MORN5: variants seen among roughly 807,000 people sequenced by gnomAD.
MORN5 encodes MORN repeat containing 5.
A neutral mutation model predicts 22.1 loss-of-function variants in MORN5; 21 were observed. The ratio of observed to expected loss-of-function variants is 0.95; its 90% CI spans 0.67 to 1.37. The LOEUF (loss-of-function observed/expected upper bound fraction) is 1.37. Ranked by LOEUF, MORN5 falls within the 40% of genes most tolerant of loss-of-function variation. The pLI, the probability that MORN5 is intolerant of heterozygous loss-of-function variation, is 0.00. For synonymous variants in MORN5, 73 were observed against 74.0 expected, an observed-to-expected ratio of 0.99 and a Z score of 0.07; for missense variants, 211 against 215.1, an observed-to-expected ratio of 0.98 and a Z score of 0.12.
chr9:122,194,615 G>A (rs1389982072), intron 4 of MORN5, among the ~76,000 whole-genome samples: 1 of 152,166 alleles, frequency 6.6e-6, no homozygotes, highest in East Asian at 1.9e-4. Flanking sequence ...GACTTCATCT[G>A]GGAGAGTATT....
At chr9:122,177,281 C>T (rs962539128) in intron 4 of MORN5, among the ~76,000 whole-genome samples, 1 of 152,214 alleles carries the variant, frequency 6.6e-6, no homozygotes, top group African/African-American at 2.4e-5. Flanking sequence ...CTGGCATGAA[C>T]AACAAAGACA....
At chr9:122,199,365 G>A (rs754435942) in intron 4 of MORN5, among the ~76,000 whole-genome samples, 3 of 152,170 alleles carry the variant, frequency 2.0e-5, no homozygotes, top group Admixed American at 6.5e-5. Flanking sequence ...CAGGCACAGC[G>A]GCGAGCTCCT....
chr9:122,175,834 G>A (rs2118758567), intron 4 of MORN5: 1 of 487,498 alleles, frequency 2.1e-6, no homozygotes, highest in South Asian at 8.9e-5. Flanking sequence ...GCAAGGAGAG[G>A]CCGGGCGCGG....
intron 1 of MORN5, among the ~76,000 whole-genome samples, chr9:122,165,507 T>C (rs775822049): frequency 6.6e-6 from 1 of 151,796 alleles, no homozygotes; most frequent in Non-Finnish European, 1.5e-5. Context: ...TTCAGGGGAT[T>C]GAGGCTGCAT....
At chr9:122,160,047 A>C (rs746243935) in intron 1 of MORN5, 28 bp downstream of exon 1, 1 of 1,593,140 alleles carries the variant, frequency 6.3e-7, no homozygotes, top group African/African-American at 1.3e-5. Flanking sequence ...TTCACTTACT[A>C]TACCTTGAAT....
chr9:122,192,405 G>A (rs59318637), intron 4 of MORN5, among the ~76,000 whole-genome samples: 16,272 of 152,194 alleles, frequency 0.11, 1,576 homozygotes, highest in African/African-American at 0.27. Context: ...AAGGTCTGTG[G>A]GCTAGTGACA....
intron 4 of MORN5, among the ~76,000 whole-genome samples, chr9:122,183,136 A>T (rs1215994407): frequency 1.3e-5 from 2 of 152,218 alleles, no homozygotes; most frequent in African/African-American, 4.8e-5. Flanking sequence ...CCTCACAATC[A>T]GATGCTACTT....
At chr9:122,178,627 G>T (rs985118019) in intron 4 of MORN5, among the ~76,000 whole-genome samples, 1 of 152,188 alleles carries the variant, frequency 6.6e-6, no homozygotes, top group African/African-American at 2.4e-5. Context: ...TGGTCACAAG[G>T]CTGTAGTTAA....
chr9:122,168,438 G>A (rs1268174784), intron 2 of MORN5, among the ~76,000 whole-genome samples: 7 of 152,198 alleles, frequency 4.6e-5, no homozygotes, highest in African/African-American at 1.7e-4. Flanking sequence ...GCTTTCATCA[G>A]TTTCACTAAG....
chr9:122,160,937 G>A (rs1829188264), intron 1 of MORN5, among the ~76,000 whole-genome samples: 1 of 152,088 alleles, frequency 6.6e-6, no homozygotes, highest in Non-Finnish European at 1.5e-5. Flanking sequence ...ATTGACTCTG[G>A]GCACAATCCC....
intron 4 of MORN5, among the ~76,000 whole-genome samples, chr9:122,191,100 G>A (rs142146338): frequency 6.5e-4 from 99 of 152,276 alleles, no homozygotes; most frequent in African/African-American, 2.3e-3. Flanking sequence ...CCTGGCATTC[G>A]GCATAAGCCC....
In MORN5 at chr9:122,160,024, G is replaced by A. The variant is rs1349566399; in HGVS notation, c.47+5G>A. On this transcript the variant is annotated splice_donor_5th_base_variant and intron_variant, in intron 1 of 4. Coordinates refer to ENST00000373764, the MANE Select transcript of MORN5 (RefSeq NM_198469.4). ...CGGGGAATATGTAGATGGGAGGTAA[G>A]GGGCTCATTTGATTCACTTACTATA... 6.2e-7 allele frequency: 1 copy of A among 1,612,512 alleles called. No individual in the cohort carries two copies. Among genetic ancestry groups the A allele is most frequent in the South Asian group, 1.1e-5 (1 of 90,916 alleles).
At chr9:122,169,804 C>A in intron 3 of MORN5, 48 bp downstream of exon 3, 1 of 1,256,112 alleles carries the variant, frequency 8.0e-7, no homozygotes. Flanking sequence ...GAGAGGGAAA[C>A]TAAGACAGTT....
chr9:122,175,198 G>T (rs1239888694), intron 4 of MORN5, among the ~76,000 whole-genome samples: 1 of 152,194 alleles, frequency 6.6e-6, no homozygotes, highest in South Asian at 2.1e-4. Flanking sequence ...AGGAGGAAAT[G>T]ACTTCTAAGC....
At chr9:122,184,475 G>A (rs1329548076) in intron 4 of MORN5, among the ~76,000 whole-genome samples, 2 of 152,262 alleles carry the variant, frequency 1.3e-5, no homozygotes, top group South Asian at 4.1e-4. Context: ...GTGTCCAATA[G>A]GAGAGGACTG....
intron 3 of MORN5, among the ~76,000 whole-genome samples, chr9:122,171,010 G>T (rs986462303): frequency 5.3e-5 from 8 of 152,106 alleles, no homozygotes; most frequent in South Asian, 2.1e-4. Context: ...AATAAAAAAA[G>T]AAAAGTGTAG....
chr9:122,179,687 A>G (rs1829506447), intron 4 of MORN5, among the ~76,000 whole-genome samples: 1 of 152,148 alleles, frequency 6.6e-6, no homozygotes, highest in Non-Finnish European at 1.5e-5. Flanking sequence ...ATATTATAGG[A>G]CAGATGAAGT....
chr9:122,187,526 C>T (rs1829662675), intron 4 of MORN5, among the ~76,000 whole-genome samples: 1 of 152,176 alleles, frequency 6.6e-6, no homozygotes, highest in Non-Finnish European at 1.5e-5. Flanking sequence ...CCACCAAAAC[C>T]AGTGCAGGGC....
At chr9:122,174,072 G>T (rs1224591002) in intron 3 of MORN5, among the ~76,000 whole-genome samples, 4 of 152,128 alleles carry the variant, frequency 2.6e-5, no homozygotes, top group Non-Finnish European at 4.4e-5. Flanking sequence ...GCTCTACAAG[G>T]TTTCCAGAGT....
Sources: allele counts gnomAD v4.1 joint callset (sites outside exome capture counted in the v4.1 genomes callset), GRCh38; gene constraint gnomAD v4.1.1; transcripts MANE v1.5; gene names NCBI Gene and HGNC (gene_info 2026-07-23, HGNC 2026-07-21).